Variants in TOPAZ1 observed in about 807,000 individuals in gnomAD.
TOPAZ1 encodes the protein testis and ovary specific TOPAZ 1.
A neutral mutation model predicts 172.2 loss-of-function variants in TOPAZ1; 66 were observed. The observed-to-expected ratio is 0.38, with a 90% CI of 0.31 to 0.47. The LOEUF is 0.47. Ranked by LOEUF, TOPAZ1 falls within the 20% of genes least tolerant of loss-of-function variation. TOPAZ1 has a pLI of 0.99. For synonymous variants in TOPAZ1, 681 were observed against 683.9 expected (o/e 1.00, Z 0.07); for missense variants, 1,822 against 1,972.4 (o/e 0.92, Z 1.44).
At chr3:44,281,265 C>T (rs1165464192) in intron 8 of TOPAZ1, among the ~76,000 whole-genome samples, 1 of 152,186 alleles carries the variant, frequency 6.6e-6, no homozygotes, top group Non-Finnish European at 1.5e-5. Flanking sequence ...TTTGGCTCAC[C>T]ATGCCATCAC....
chr3:44,247,103 G>A (rs1699575877), intron 2 of TOPAZ1, among the ~76,000 whole-genome samples: 1 of 152,070 alleles, frequency 6.6e-6, no homozygotes, highest in African/African-American at 2.4e-5. Flanking sequence ...AGCGGTGTTG[G>A]GGGGGAAATC....
chr3:44,251,789 T>G (rs543573958), intron 2 of TOPAZ1, among the ~76,000 whole-genome samples: 7 of 152,318 alleles, frequency 4.6e-5, no homozygotes, highest in African/African-American at 1.7e-4. Flanking sequence ...TACTTAGATC[T>G]TCTCTTTGCT....
chr3:44,309,748 C>T, intron 15 of TOPAZ1, 77 bp from the exon 16 acceptor site: 1 of 1,075,842 alleles, frequency 9.3e-7, no homozygotes, highest in South Asian at 1.7e-5. Flanking sequence ...GGATACTTGG[C>T]TTGTGAATAA....
At chr3:44,261,169 TTAACTC>T (rs1428052598) in intron 4 of TOPAZ1, among the ~76,000 whole-genome samples, 1 of 152,208 alleles carries the variant, frequency 6.6e-6, no homozygotes, top group East Asian at 1.9e-4. Context: ...ATTAGCATCT[TTAACTC>T]TAGTATTCTC....
chr3:44,243,195 A>G lies in TOPAZ1; in HGVS notation c.689A>G (p.Asn230Ser). 1.3e-6 allele frequency: 2 copies of G among 1,548,864 alleles called. No homozygotes were observed. Among genetic ancestry groups the G allele is most frequent in the East Asian group, 2.4e-5 (1 of 40,890 alleles). The change falls in exon 2 of 20, where the codon AAT becomes AGT. Residue 230 changes from asparagine to serine, a missense_variant. Asn to Ser is a conservative substitution (Grantham distance 46). Transcript: ENST00000309765. The stretch of plus-strand genomic sequence containing the variant: ...TCCGTTTTAAAATTACGTGATTGCA[A>G]TTGTTTCCCCCATTCCAAGGGTTGT... ...NNSVLKLRDC[N>S]CFPHSKGCND... is the part of the protein sequence containing the mutation.
chr3:44,264,624 G>A (rs1699809530), intron 5 of TOPAZ1, among the ~76,000 whole-genome samples: 1 of 152,176 alleles, frequency 6.6e-6, no homozygotes, highest in East Asian at 1.9e-4. Flanking sequence ...TGCATCAGTT[G>A]ACACTTCTTT....
chr3:44,242,744 C>A, intron 1 of TOPAZ1, 109 bp from the exon 2 acceptor site: 1 of 843,668 alleles, frequency 1.2e-6, no homozygotes, highest in Non-Finnish European at 1.8e-6. Flanking sequence ...TTACATACAG[C>A]TGTTCAGGGA....
chr3:44,255,439 T>A (rs1218875235), intron 3 of TOPAZ1, among the ~76,000 whole-genome samples: 5 of 151,894 alleles, frequency 3.3e-5, no homozygotes, highest in African/African-American at 1.2e-4. Context: ...GATCACGAGG[T>A]CAGGAGATCG....
chr3:44,285,724 C>T (rs1700071147), intron 9 of TOPAZ1, among the ~76,000 whole-genome samples: 2 of 151,562 alleles, frequency 1.3e-5, no homozygotes, highest in South Asian at 4.2e-4. Context: ...GCCTGTGCCA[C>T]CATGCCTGGC....
intron 2 of TOPAZ1, among the ~76,000 whole-genome samples, chr3:44,254,488 G>A (rs545885808): frequency 2.0e-5 from 3 of 152,004 alleles, no homozygotes; most frequent in Admixed American, 6.6e-5. Flanking sequence ...TTAGCTGGGC[G>A]TCGTGGTGCA....
intron 16 of TOPAZ1, among the ~76,000 whole-genome samples, chr3:44,311,158 A>G (rs769910714): frequency 1.3e-5 from 2 of 152,130 alleles, no homozygotes. Context: ...TGATTCATAT[A>G]TGGGAAATAT....
chr3:44,311,085 T>C (rs899134743), intron 16 of TOPAZ1, among the ~76,000 whole-genome samples: 6 of 152,068 alleles, frequency 3.9e-5, no homozygotes, highest in Non-Finnish European at 8.8e-5. Flanking sequence ...ATAAAGCAAA[T>C]TGAGAACTGT....
chr3:44,328,111 G>A (rs995323832), intron 18 of TOPAZ1, 139 bp from the exon 19 acceptor site: 11 of 534,984 alleles, frequency 2.1e-5, no homozygotes, highest in Admixed American at 8.5e-5. Flanking sequence ...ACTAGGATAA[G>A]CTATCATGTA....
At chr3:44,247,420 T>C (rs183301977) in intron 2 of TOPAZ1, among the ~76,000 whole-genome samples, 1 of 152,246 alleles carries the variant, frequency 6.6e-6, no homozygotes, top group Non-Finnish European at 1.5e-5. Flanking sequence ...TTTCTAACTT[T>C]AGACAGCAGT....
Position 44,243,888 on chromosome 3 carries a change from A to G in TOPAZ1, c.1382A>G (p.His461Arg). The G allele has an allele frequency of 6.4e-7, 1 of 1,552,006 alleles. No homozygotes were observed. Among genetic ancestry groups the G allele is most frequent in the Non-Finnish European group, 8.7e-7 (1 of 1,146,994 alleles). Residue 461 changes from histidine to arginine, a missense_variant, in exon 2 of 20, where the codon CAT (histidine) becomes CGT (arginine). Transcript: ENST00000309765. ...ATAGGGAAATCACCTAATGAGTACC[A>G]TATTGAAAGGAGATCTTCACGGGAA... ...SFIGKSPNEY[H>R]IERRSSREDL...
At chr3:44,262,005 G>A (rs567520854) in intron 4 of TOPAZ1, among the ~76,000 whole-genome samples, 5 of 152,226 alleles carry the variant, frequency 3.3e-5, no homozygotes, top group East Asian at 3.9e-4. Context: ...CTTGTGAAAT[G>A]TAAGTATAGT....
At chr3:44,330,830 T>G (rs913349550) in intron 19 of TOPAZ1, among the ~76,000 whole-genome samples, 3 of 152,216 alleles carry the variant, frequency 2.0e-5, no homozygotes, top group Admixed American at 6.5e-5. Context: ...CGTGTGAATT[T>G]TATGCAGGTC....
intron 8 of TOPAZ1, among the ~76,000 whole-genome samples, chr3:44,276,953 G>A (rs1250042734): frequency 1.3e-5 from 2 of 151,848 alleles, no homozygotes; most frequent in Admixed American, 6.6e-5. Flanking sequence ...ACCACGCCCA[G>A]CTAATTTTTT....
At chr3:44,249,402 A>G (rs1035540434) in intron 2 of TOPAZ1, among the ~76,000 whole-genome samples, 17 of 152,188 alleles carry the variant, frequency 1.1e-4, no homozygotes, top group South Asian at 2.1e-4. Context: ...AACAAAGAAG[A>G]AGGAAAGAAG....
Sources: allele counts gnomAD v4.1 joint callset (sites outside exome capture counted in the v4.1 genomes callset), GRCh38; gene constraint gnomAD v4.1.1; transcripts MANE v1.5; gene names NCBI Gene and HGNC (gene_info 2026-07-23, HGNC 2026-07-21).